The following UTY variants were observed in gnomAD, a reference collection of about 807,000 sequenced individuals.
UTY encodes histone demethylase UTY.
In UTY, 12 loss-of-function variants were observed where a neutral mutation model predicts 32.5. The ratio of observed to expected loss-of-function variants is 0.37; its 90% CI spans 0.24 to 0.60. The LOEUF is 0.60. Among genes scored for constraint, UTY ranks in the 20% least tolerant of loss-of-function variants. The probability of loss-of-function intolerance (pLI) is 0.69; values close to 1 mark genes in which losing one functional copy is unlikely to be tolerated. For missense variants in UTY, 303 were observed against 299.2 expected, an observed-to-expected ratio of 1.01 and a Z score of -0.09; for synonymous variants, 131 against 103.4, an observed-to-expected ratio of 1.27 and a Z score of -1.62.
intron 27 of UTY, chrY:13,297,440 A>G (rs751946034): frequency 4.5e-4 from 49 of 109,570 alleles, no homozygotes; most frequent in Middle Eastern, 2.5e-3. Context: ...AGAGTTGTAA[A>G]TTTACCAGTG....
intron 21 of UTY, among the ~76,000 whole-genome samples, chrY:13,320,861 T>C (rs2059772618): frequency 3.0e-5 from 1 of 33,749 alleles, no homozygotes; most frequent in Non-Finnish European, 7.4e-5. Flanking sequence ...ATGTGACTTA[T>C]GGAGTCAATA....
At chrY:13,380,742 C>G in intron 8 of UTY, among the ~76,000 whole-genome samples, 2 of 32,073 alleles carry the variant, frequency 6.2e-5, no homozygotes, top group East Asian at 1.6e-3. Context: ...TAAATATTAT[C>G]TATGTCTTCT....
intron 28 of UTY, 85 bp from the exon 29 acceptor site, chrY:13,251,272 T>C: frequency 4.8e-6 from 1 of 209,396 alleles, no homozygotes; most frequent in Non-Finnish European, 7.3e-6. Context: ...GGATTCTACT[T>C]CACATGGAAC....
chrY:13,386,993 C>T (rs756532352), intron 8 of UTY, among the ~76,000 whole-genome samples: 1 of 32,863 alleles, frequency 3.0e-5, no homozygotes, highest in South Asian at 6.7e-4. Flanking sequence ...AGCAAGACTC[C>T]GTCAAAATAA....
intron 27 of UTY, among the ~76,000 whole-genome samples, chrY:13,294,581 T>G: frequency 2.9e-5 from 1 of 34,258 alleles, no homozygotes; most frequent in South Asian, 6.4e-4. Context: ...TATCTCACTT[T>G]ATGCATGTAC....
chrY:13,295,414 C>A (rs752914556), intron 27 of UTY, among the ~76,000 whole-genome samples: 33 of 33,547 alleles, frequency 9.8e-4, no homozygotes, highest in African/African-American at 3.9e-3. Flanking sequence ...CCAGGAGACC[C>A]CCACTTCTAA....
intron 21 of UTY, among the ~76,000 whole-genome samples, chrY:13,307,523 A>C: frequency 3.0e-5 from 1 of 33,312 alleles, no homozygotes; most frequent in African/African-American, 1.2e-4. Context: ...GTTAGGCAAT[A>C]GTTTCTTAGC....
intron 8 of UTY, among the ~76,000 whole-genome samples, chrY:13,384,847 C>A: frequency 3.0e-5 from 1 of 33,151 alleles, no homozygotes; most frequent in Non-Finnish European, 7.4e-5. Flanking sequence ...AGAAAGACAA[C>A]TGTTTCTTTT....
intron 6 of UTY, among the ~76,000 whole-genome samples, chrY:13,404,109 C>T: frequency 3.0e-5 from 1 of 32,861 alleles, no homozygotes; most frequent in South Asian, 6.9e-4. Flanking sequence ...AATAAACAAA[C>T]ATAATCCCTC....
intron 27 of UTY, among the ~76,000 whole-genome samples, chrY:13,271,193 A>G (rs2056281363): frequency 3.0e-5 from 1 of 33,810 alleles, no homozygotes; most frequent in Non-Finnish European, 7.3e-5. Context: ...GACTGTGGAT[A>G]GCAAAGACAA....
chrY:13,462,039 C>T (rs2077412814), intron 3 of UTY, among the ~76,000 whole-genome samples: 1 of 33,495 alleles, frequency 3.0e-5, no homozygotes, highest in African/African-American at 1.2e-4. Context: ...TATTAGTATA[C>T]TCTATTGACT....
At chrY:13,286,255 A>G in intron 27 of UTY, among the ~76,000 whole-genome samples, 1 of 34,000 alleles carries the variant, frequency 2.9e-5, no homozygotes, top group African/African-American at 1.1e-4. Flanking sequence ...CACACAGGCG[A>G]CTGCCTTCAG....
chrY:13,292,234 C>G, intron 27 of UTY, among the ~76,000 whole-genome samples: 1 of 32,180 alleles, frequency 3.1e-5, no homozygotes, highest in African/African-American at 1.2e-4. Context: ...GCTTCAAACA[C>G]AAGGTCAGGA....
At chrY:13,471,289 A>G in intron 2 of UTY, among the ~76,000 whole-genome samples, 1 of 33,699 alleles carries the variant, frequency 3.0e-5, no homozygotes, top group East Asian at 7.7e-4. Flanking sequence ...AGCATAGTAT[A>G]TTTTTCACAA....
intron 17 of UTY, among the ~76,000 whole-genome samples, chrY:13,342,290 T>C: frequency 3.3e-4 from 11 of 33,052 alleles, no homozygotes; most frequent in Admixed American, 3.0e-3. Context: ...ATCTGGATAA[T>C]AGAAAGATGT....
At chrY:13,330,283 ACC>A (rs2148998135) in intron 18 of UTY, among the ~76,000 whole-genome samples, 1 of 32,879 alleles carries the variant, frequency 3.0e-5, no homozygotes, top group Non-Finnish European at 7.5e-5. Flanking sequence ...TCCCAGCGAG[ACC>A]AACACAGAAA....
intron 18 of UTY, 83 bp from the exon 19 acceptor site, chrY:13,326,433 G>A: frequency 1.3e-5 from 3 of 239,070 alleles, no homozygotes; most frequent in Non-Finnish European, 1.9e-5. Flanking sequence ...TTAAAAGTCA[G>A]GCATAAGGCA....
At chrY:13,415,052 T>C in intron 4 of UTY, among the ~76,000 whole-genome samples, 1 of 31,193 alleles carries the variant, frequency 3.2e-5, no homozygotes, top group Non-Finnish European at 7.8e-5. Context: ...TTAGTACAGA[T>C]TGTTCATCCC....
intron 27 of UTY, among the ~76,000 whole-genome samples, chrY:13,276,149 G>C (rs59171518): frequency 0.15 from 4,915 of 32,578 alleles, no homozygotes; most frequent in African/African-American, 0.59. Flanking sequence ...AAGTGGGGCT[G>C]AGGTGGAAGG....
Sources: allele counts gnomAD v4.1 joint callset (sites outside exome capture counted in the v4.1 genomes callset), GRCh38; gene constraint gnomAD v4.1.1; transcripts MANE v1.5; gene names NCBI Gene and HGNC (gene_info 2026-07-23, HGNC 2026-07-21).